PAPPA: variants seen among roughly 807,000 people sequenced by gnomAD.
PAPPA encodes the protein pappalysin-1.
A neutral mutation model predicts 164.0 loss-of-function variants in PAPPA; 60 were observed. The ratio of observed to expected loss-of-function variants is 0.37; its 90% CI spans 0.30 to 0.45. The LOEUF (loss-of-function observed/expected upper bound fraction) is 0.45, where lower values mean the gene tolerates loss of function less well. Among genes scored for constraint, PAPPA ranks in the 20% least tolerant of loss-of-function variants. The pLI is 1.00. For missense variants in PAPPA, 1,782 were observed against 2,087.3 expected (o/e 0.85, Z 2.85); for synonymous variants, 875 against 814.1 (o/e 1.07, Z -1.27).
intron 7 of PAPPA, among the ~76,000 whole-genome samples, chr9:116,258,660 A>G (rs1285980185): frequency 6.6e-6 from 1 of 152,102 alleles, no homozygotes; most frequent in East Asian, 1.9e-4. Flanking sequence ...AGACCGATGA[A>G]ACAAGATAAC....
intron 1 of PAPPA, among the ~76,000 whole-genome samples, chr9:116,159,391 C>T (rs771977654): frequency 2.0e-5 from 3 of 152,150 alleles, no homozygotes; most frequent in Non-Finnish European, 4.4e-5. Flanking sequence ...GTTTGTAAGG[C>T]TTCCCCTCTT....
chr9:116,286,518 G>C (rs1249449943), intron 9 of PAPPA: 1 of 152,188 alleles, frequency 6.6e-6, no homozygotes, highest in Non-Finnish European at 1.5e-5. Flanking sequence ...TGATGGCTTT[G>C]TAAGTACTGC....
rs747517327 is a variant in PAPPA, at chr9:116,335,022, G to A, written c.3559G>A (p.Val1187Ile). 26 of 1,613,582 alleles carry A rather than the reference G, an allele frequency of 1.6e-5. No individual in the cohort carries two copies. Among genetic ancestry groups the A allele is most frequent in the South Asian group, 7.7e-5 (7 of 91,068 alleles). The change falls in exon 13 of 22, where the codon GTC becomes ATC. Residue 1187 changes from valine (V) to isoleucine (I), a missense_variant. Val to Ile is a conservative substitution (Grantham distance 29). Around this residue, in one of 2 missense-constraint regions of PAPPA, gnomAD observed 1,324 missense variants for 1,656.9 expected, o/e 0.80. Transcript: ENST00000328252. Reference protein sequence around the residue: ...ALRSFDNFDPVTLSSCQRGET... With the variant: ...ALRSFDNFDPITLSSCQRGET... Reference sequence around the variant, plus strand: ...CCGTTCCTTCGACAACTTTGACCCCGTCACCCTGAGCAGCTGCCAGAGAGG... The same window carrying A: ...CCGTTCCTTCGACAACTTTGACCCCATCACCCTGAGCAGCTGCCAGAGAGG...
intron 4 of PAPPA, among the ~76,000 whole-genome samples, chr9:116,213,821 C>A (rs372427899): frequency 6.6e-6 from 1 of 152,138 alleles, no homozygotes; most frequent in African/African-American, 2.4e-5. Context: ...AAGGCAACCA[C>A]GATCTTTGAA....
intron 10 of PAPPA, among the ~76,000 whole-genome samples, chr9:116,310,650 C>T (rs768543113): frequency 1.8e-4 from 27 of 152,180 alleles, no homozygotes; most frequent in Non-Finnish European, 3.4e-4. Context: ...TCCTGGCTCT[C>T]TCTTCTATTC....
intron 6 of PAPPA, among the ~76,000 whole-genome samples, chr9:116,234,311 G>A (rs867695612): frequency 1.3e-5 from 2 of 151,940 alleles, no homozygotes; most frequent in Non-Finnish European, 2.9e-5. Flanking sequence ...CCTTCTCCCC[G>A]CTCCTCACCC....
intron 9 of PAPPA, among the ~76,000 whole-genome samples, chr9:116,288,279 G>T (rs1474192468): frequency 6.6e-6 from 1 of 152,126 alleles, no homozygotes; most frequent in East Asian, 1.9e-4. Context: ...TGAGGCAAGA[G>T]AATCGCTTGA....
intron 3 of PAPPA, among the ~76,000 whole-genome samples, chr9:116,208,824 T>TTGTG (rs147986618): frequency 1.3e-5 from 2 of 150,584 alleles, no homozygotes; most frequent in Non-Finnish European, 1.5e-5. Flanking sequence ...TGAAACCAAT[T>TTGTG]TGTGTGTGTG....
intron 2 of PAPPA, among the ~76,000 whole-genome samples, chr9:116,199,183 T>C (rs887092314): frequency 2.0e-5 from 3 of 152,170 alleles, no homozygotes; most frequent in Non-Finnish European, 4.4e-5. Context: ...CCCCACCCAT[T>C]ACCTGGTCCC....
rs530162943 is a variant in PAPPA at position 116,266,063 on chromosome 9, G to T, written c.2861+78G>T. On this transcript the variant is annotated intron_variant, in intron 8 of 21. Transcript: ENST00000328252. ...GATGGTTAGGGTGCTGAACAGAAGAGCTTATGACATATTCTTCAGTGCATG... is the reference window on the plus strand; with the variant it reads ...GATGGTTAGGGTGCTGAACAGAAGATCTTATGACATATTCTTCAGTGCATG... 1.6e-5 allele frequency: 21 copies of T among 1,302,322 alleles called. No individual in the cohort carries two copies. The African/African-American group carries it at 2.6e-4, about 16-fold the overall frequency. The allele number at this position is 1,302,322 out of a possible 1,614,324, so 80.7% of individuals were successfully genotyped here. A position where few individuals can be genotyped will look rare whatever the true frequency, so the allele number is the denominator to read the frequency against.
intron 7 of PAPPA, among the ~76,000 whole-genome samples, chr9:116,252,688 A>T (rs1436383689): frequency 6.6e-6 from 1 of 152,222 alleles, no homozygotes; most frequent in Non-Finnish European, 1.5e-5. Flanking sequence ...CCTTGCGTTT[A>T]CAACAGTGAT....
intron 3 of PAPPA, among the ~76,000 whole-genome samples, chr9:116,210,404 T>C (rs1844292103): frequency 1.3e-5 from 2 of 152,142 alleles, no homozygotes; most frequent in African/African-American, 4.8e-5. Context: ...CAGTCTAAGA[T>C]AAAACCCTCC....
At chr9:116,215,118 A>G (rs1431279036) in intron 4 of PAPPA, among the ~76,000 whole-genome samples, 1 of 152,200 alleles carries the variant, frequency 6.6e-6, no homozygotes, top group Non-Finnish European at 1.5e-5. Context: ...ATGACAGAGA[A>G]GATGTTTGAA....
rs1446686589 is a variant in PAPPA at position 116,352,692 on chromosome 9, C to T, written c.3965-14C>T. ...CTCCTCCCTCCTCTAACCCTGCTTG[C>T]CTATGTCTTCCAGGCAACAACAGCC... On this transcript the variant is annotated splice_polypyrimidine_tract_variant and intron_variant, in intron 15 of 21. Coordinates refer to ENST00000328252, the MANE Select transcript of PAPPA (RefSeq NM_002581.5). 2 of 1,608,138 alleles carry T rather than the reference C, an allele frequency of 1.2e-6. No individual in the cohort carries two copies. Among genetic ancestry groups the T allele is most frequent in the South Asian group, 2.2e-5 (2 of 90,932 alleles).
chr9:116,289,060 C>A (rs1463278078), intron 9 of PAPPA, among the ~76,000 whole-genome samples: 1 of 149,400 alleles, frequency 6.7e-6, no homozygotes, highest in Non-Finnish European at 1.5e-5. Flanking sequence ...GACTCTTATG[C>A]ATGCCCTATC....
chr9:116,296,810 T>C (rs1014174814), intron 9 of PAPPA, among the ~76,000 whole-genome samples: 11 of 152,072 alleles, frequency 7.2e-5, no homozygotes, highest in African/African-American at 2.4e-4. Flanking sequence ...TGGATGGTCT[T>C]GTATGCCAAG....
intron 1 of PAPPA, among the ~76,000 whole-genome samples, chr9:116,184,683 C>G (rs1270815833): frequency 1.3e-5 from 2 of 152,180 alleles, no homozygotes; most frequent in Admixed American, 1.3e-4. Flanking sequence ...CTGCTGTCAT[C>G]AAAATTCAAA....
At chr9:116,236,656 C>T (rs146035488) in intron 7 of PAPPA, among the ~76,000 whole-genome samples, 37 of 151,866 alleles carry the variant, frequency 2.4e-4, no homozygotes, top group African/African-American at 8.7e-4. Flanking sequence ...CAAACATCCT[C>T]AGAATTTCTG....
intron 9 of PAPPA, among the ~76,000 whole-genome samples, chr9:116,282,162 T>C (rs1421288132): frequency 1.3e-5 from 2 of 152,214 alleles, no homozygotes; most frequent in Non-Finnish European, 2.9e-5. Flanking sequence ...AATTCCCTGA[T>C]ATAAAATGGA....
Sources: gnomAD v4.1 joint callset for allele counts (sites outside exome capture counted in the v4.1 genomes callset) on GRCh38, gnomAD v4.1.1 for gene constraint, gnomAD v4.1.1 regional missense constraint, MANE v1.5 for transcripts, NCBI Gene and HGNC (gene_info 2026-07-23, HGNC 2026-07-21) for gene names.